The following RBFOX1 variants were observed in gnomAD, a reference collection of about 807,000 sequenced individuals.
RBFOX1 encodes RNA binding protein fox-1 homolog 1.
In RBFOX1, 8 loss-of-function variants were observed where a neutral mutation model predicts 57.7. The observed-to-expected ratio is 0.14, with a 90% CI of 0.08 to 0.25. RBFOX1 has a LOEUF of 0.25. RBFOX1 is among the 10% of genes least tolerant of loss of function. The probability of loss-of-function intolerance (pLI) is 1.00; values close to 1 mark genes in which losing one functional copy is unlikely to be tolerated. For synonymous variants in RBFOX1, 326 were observed against 222.4 expected, an observed-to-expected ratio of 1.47 and a Z score of -4.15; for missense variants, 611 against 548.5, an observed-to-expected ratio of 1.11 and a Z score of -1.14.
At chr16:6,554,860 G>GCTCTCT (rs1212012975) in intron 2 of RBFOX1, among the ~76,000 whole-genome samples, 2 of 147,512 alleles carry the variant, frequency 1.4e-5, no homozygotes, top group African/African-American at 5.4e-5. Flanking sequence ...TCGCTCTGTC[G>GCTCTCT]CTCTCTCTCT....
chr16:7,596,505 C>T (rs2094708139), intron 8 of RBFOX1, among the ~76,000 whole-genome samples: 1 of 151,994 alleles, frequency 6.6e-6, no homozygotes, highest in Admixed American at 6.6e-5. Flanking sequence ...GTATACAAAC[C>T]CATGCTGGCG....
At chr16:7,084,752 G>C (rs1567199017) in intron 4 of RBFOX1, among the ~76,000 whole-genome samples, 3 of 152,214 alleles carry the variant, frequency 2.0e-5, no homozygotes, top group Non-Finnish European at 4.4e-5. Flanking sequence ...CAGAAAATGA[G>C]CATTGAGTGA....
chr16:6,912,959 A>T (rs937847824), intron 3 of RBFOX1, among the ~76,000 whole-genome samples: 1 of 152,022 alleles, frequency 6.6e-6, no homozygotes, highest in African/African-American at 2.4e-5. Context: ...ATCTTGGGCA[A>T]TATCTCACCT....
intron 3 of RBFOX1, among the ~76,000 whole-genome samples, chr16:5,783,061 C>G (rs984533648): frequency 6.6e-6 from 1 of 152,158 alleles, no homozygotes; most frequent in African/African-American, 2.4e-5. Flanking sequence ...AATATTTCAC[C>G]AAATATCTTA....
intron 2 of RBFOX1, among the ~76,000 whole-genome samples, chr16:5,564,630 T>C (rs1331190788): frequency 6.6e-6 from 1 of 152,202 alleles, no homozygotes. Flanking sequence ...TTGGAGTCTG[T>C]CCTGTATCAG....
intron 2 of RBFOX1, among the ~76,000 whole-genome samples, chr16:6,531,959 A>C (rs1035671587): frequency 4.6e-5 from 7 of 152,174 alleles, no homozygotes; most frequent in Non-Finnish European, 1.0e-4. Context: ...TACAAAATTT[A>C]GAGGTAGTTG....
intron 3 of RBFOX1, among the ~76,000 whole-genome samples, chr16:5,658,430 G>C (rs1421639266): frequency 6.6e-6 from 1 of 152,164 alleles, no homozygotes; most frequent in Admixed American, 6.6e-5. Context: ...TTGATCATCA[G>C]ATTGGGACAC....
intron 1 of RBFOX1, among the ~76,000 whole-genome samples, chr16:6,146,689 C>T (rs2096760865): frequency 1.3e-5 from 2 of 152,198 alleles, no homozygotes; most frequent in African/African-American, 2.4e-5. Flanking sequence ...TTTCACTATA[C>T]TGAATCAAGC....
intron 3 of RBFOX1, among the ~76,000 whole-genome samples, chr16:5,750,038 G>A (rs545973564): frequency 1.5e-4 from 23 of 152,222 alleles, no homozygotes; most frequent in South Asian, 2.1e-4. Context: ...GTACAGATGC[G>A]GTTTTGGTGT....
At chr16:6,378,538 T>C (rs1431174104) in intron 2 of RBFOX1, among the ~76,000 whole-genome samples, 15 of 152,164 alleles carry the variant, frequency 9.9e-5, no homozygotes, top group Admixed American at 9.8e-4. Flanking sequence ...CCTGGCTGGA[T>C]CATCTGGTGG....
intron 2 of RBFOX1, among the ~76,000 whole-genome samples, chr16:5,518,551 A>G (rs910878207): frequency 1.3e-5 from 2 of 152,232 alleles, no homozygotes; most frequent in African/African-American, 4.8e-5. Flanking sequence ...GCAAGTGTTA[A>G]TTTAGAGTAG....
chr16:6,684,922 C>A (rs2059200493), intron 3 of RBFOX1, among the ~76,000 whole-genome samples: 1 of 152,282 alleles, frequency 6.6e-6, no homozygotes, highest in Middle Eastern at 3.4e-3. Flanking sequence ...ATACTTTATA[C>A]ATTTTCTGGC....
At chr16:6,225,650 C>A (rs1481997735) in intron 1 of RBFOX1, among the ~76,000 whole-genome samples, 1 of 152,174 alleles carries the variant, frequency 6.6e-6, no homozygotes, top group Non-Finnish European at 1.5e-5. Context: ...CAATATAACT[C>A]CACCAAATTT....
intron 2 of RBFOX1, among the ~76,000 whole-genome samples, chr16:5,474,675 C>T (rs574212056): frequency 5.3e-5 from 8 of 152,178 alleles, no homozygotes; most frequent in South Asian, 2.1e-4. Context: ...AAAATACTCC[C>T]GGACATTTGT....
At chr16:6,446,430 T>G (rs2094487191) in intron 2 of RBFOX1, among the ~76,000 whole-genome samples, 1 of 152,182 alleles carries the variant, frequency 6.6e-6, no homozygotes, top group Admixed American at 6.5e-5. Flanking sequence ...AAATATAGAT[T>G]TTAAACTTAA....
At chr16:6,210,345 C>A (rs144133214) in intron 1 of RBFOX1, among the ~76,000 whole-genome samples, 621 of 25,448 alleles carry the variant, frequency 0.024, no homozygotes, top group East Asian at 0.05. Context: ...AACAAAAAAA[C>A]AAAAAAAAAA....
At chr16:5,806,318 C>T (rs770544652) in intron 3 of RBFOX1, among the ~76,000 whole-genome samples, 20 of 152,146 alleles carry the variant, frequency 1.3e-4, no homozygotes, top group Non-Finnish European at 2.5e-4. Flanking sequence ...TGGCATTTGG[C>T]GTCTGGTGAG....
At chr16:7,707,839 T>C (rs1329974629) in intron 14 of RBFOX1, among the ~76,000 whole-genome samples, 1 of 152,212 alleles carries the variant, frequency 6.6e-6, no homozygotes, top group Non-Finnish European at 1.5e-5. Context: ...TGCTCTGACC[T>C]ACTTGCCCCT....
chr16:7,521,661 T>A (rs1470681119), intron 5 of RBFOX1, among the ~76,000 whole-genome samples: 1 of 152,238 alleles, frequency 6.6e-6, no homozygotes, highest in East Asian at 1.9e-4. Flanking sequence ...TTAATTATGA[T>A]AACGTGCCAA....
Sources: gnomAD v4.1 joint callset for allele counts (sites outside exome capture counted in the v4.1 genomes callset) on GRCh38, gnomAD v4.1.1 for gene constraint, MANE v1.5 for transcripts, NCBI Gene and HGNC (gene_info 2026-07-23, HGNC 2026-07-21) for gene names.